MMP16: variants seen among roughly 807,000 people sequenced by gnomAD.
The protein encoded by MMP16 is matrix metallopeptidase 16.
MMP16 carries 12 observed loss-of-function variants against 67.8 expected under a neutral mutation model. The observed-to-expected ratio is 0.18, with a 90% CI of 0.11 to 0.29. The LOEUF is 0.29. Among genes scored for constraint, MMP16 ranks in the 10% least tolerant of loss-of-function variants. MMP16 has a pLI of 1.00. For missense variants in MMP16, 475 were observed against 765.7 expected, an observed-to-expected ratio of 0.62 and a Z score of 4.48; for synonymous variants, 249 against 255.9, an observed-to-expected ratio of 0.97 and a Z score of 0.26.
At position 88,308,694 on chromosome 8, in the gene MMP16, G is replaced by T. The variant is rs886670970; in HGVS notation, c.132+18381C>A. On this transcript the variant is annotated intron_variant, in intron 1 of 9. Coordinates refer to ENST00000286614, the MANE Select transcript of MMP16 (RefSeq NM_005941.5). ...GATTCATGCACATAAAAAGAAAAAAGGTGGTTTCTTTGAAAGTTTTGAAAT... is the reference window on the plus strand; with the variant it reads ...GATTCATGCACATAAAAAGAAAAAATGTGGTTTCTTTGAAAGTTTTGAAAT... Among the ~76,000 whole-genome samples, 3 of 151,936 alleles carry T rather than the reference G, an allele frequency of 2.0e-5. No individual in the cohort carries two copies. In the East Asian group the frequency reaches 5.8e-4, roughly 29 times the overall value.
chr8:88,292,774 G>A (rs1810945954), intron 1 of MMP16, among the ~76,000 whole-genome samples: 1 of 151,982 alleles, frequency 6.6e-6, no homozygotes, highest in African/African-American at 2.4e-5. Context: ...AGAAACACAT[G>A]GCTGAAAGGA....
chr8:88,194,413 G>A (rs993431050), intron 2 of MMP16, among the ~76,000 whole-genome samples: 3 of 151,888 alleles, frequency 2.0e-5, no homozygotes, highest in Non-Finnish European at 4.4e-5. Context: ...TAATTTGACC[G>A]TAATATAACA....
intron 1 of MMP16, among the ~76,000 whole-genome samples, chr8:88,259,859 T>A (rs1279081087): frequency 6.6e-6 from 1 of 152,212 alleles, no homozygotes; most frequent in Non-Finnish European, 1.5e-5. Context: ...TCAATGAGAA[T>A]GGAAAGAATC....
At chr8:88,162,753 T>G (rs778369589) in intron 4 of MMP16, among the ~76,000 whole-genome samples, 22 of 151,982 alleles carry the variant, frequency 1.4e-4, no homozygotes, top group Admixed American at 2.6e-4. Context: ...TTGAAAAGTG[T>G]GTAGCACTTT....
intron 9 of MMP16, among the ~76,000 whole-genome samples, chr8:88,044,343 T>C (rs925787638): frequency 3.3e-5 from 5 of 152,198 alleles, no homozygotes; most frequent in African/African-American, 1.2e-4. Flanking sequence ...TACTAGGAGA[T>C]AGACAGTGTA....
intron 1 of MMP16, among the ~76,000 whole-genome samples, chr8:88,201,144 CAAAAA>C (rs71277984): frequency 0.011 from 1,251 of 109,380 alleles, 24 homozygotes; most frequent in East Asian, 0.05. Flanking sequence ...TTTCCCCCCC[CAAAAA>C]AAAAAAAAAA....
intron 7 of MMP16, chr8:88,069,179 C>A: frequency 7.3e-6 from 2 of 274,364 alleles, no homozygotes; most frequent in South Asian, 6.7e-5. Flanking sequence ...AATACTGAAC[C>A]CTCTGACCCA....
chr8:88,149,587 C>T (rs1011199381), intron 4 of MMP16, among the ~76,000 whole-genome samples: 2 of 152,024 alleles, frequency 1.3e-5, no homozygotes, highest in Admixed American at 6.6e-5. Flanking sequence ...GGAGGCACCC[C>T]CCAGCAGGGG....
At chr8:88,160,095 A>G (rs1411785729) in intron 4 of MMP16, among the ~76,000 whole-genome samples, 1 of 151,746 alleles carries the variant, frequency 6.6e-6, no homozygotes, top group African/African-American at 2.4e-5. Context: ...AGCATTAGGT[A>G]TATCTCCTAA....
chr8:88,282,950 G>T (rs1470869956), intron 1 of MMP16, among the ~76,000 whole-genome samples: 1 of 151,894 alleles, frequency 6.6e-6, no homozygotes, highest in African/African-American at 2.4e-5. Flanking sequence ...AATTTTTGTT[G>T]GTAATACTCT....
At chr8:88,229,795 T>A (rs1187512859) in intron 1 of MMP16, among the ~76,000 whole-genome samples, 1 of 152,046 alleles carries the variant, frequency 6.6e-6, no homozygotes, top group Non-Finnish European at 1.5e-5. Context: ...AGATGAAAAT[T>A]CTATGGATGT....
chr8:88,222,426 C>G (rs555371027), intron 1 of MMP16, among the ~76,000 whole-genome samples: 1 of 152,074 alleles, frequency 6.6e-6, no homozygotes, highest in South Asian at 2.1e-4. Context: ...GGAGGCATCA[C>G]GCTACCTGAC....
intron 1 of MMP16, among the ~76,000 whole-genome samples, chr8:88,292,205 A>C (rs1467983521): frequency 6.6e-6 from 1 of 152,248 alleles, no homozygotes; most frequent in Non-Finnish European, 1.5e-5. Context: ...TTTTAAAATT[A>C]GAAGTTAGCA....
chr8:88,154,530 T>C (rs1808472530), intron 4 of MMP16, among the ~76,000 whole-genome samples: 2 of 151,480 alleles, frequency 1.3e-5, no homozygotes, highest in South Asian at 2.1e-4. Context: ...TGGAATACTA[T>C]GCAGCCATAA....
intron 6 of MMP16, among the ~76,000 whole-genome samples, chr8:88,113,187 A>C (rs78027751): frequency 1.3e-5 from 2 of 151,970 alleles, no homozygotes; most frequent in Admixed American, 6.6e-5. Flanking sequence ...CATTTCAATA[A>C]GAAATAATTA....
At chr8:88,159,634 G>A (rs1379935504) in intron 4 of MMP16, among the ~76,000 whole-genome samples, 1 of 152,012 alleles carries the variant, frequency 6.6e-6, no homozygotes, top group Non-Finnish European at 1.5e-5. Context: ...TCTTTCTCCT[G>A]CCTGATTGCC....
intron 6 of MMP16, among the ~76,000 whole-genome samples, chr8:88,098,279 TG>T (rs1480281817): frequency 6.6e-6 from 1 of 152,048 alleles, no homozygotes; most frequent in East Asian, 1.9e-4. Context: ...CTGCCAACTA[TG>T]GGTGCTCATC....
intron 3 of MMP16, among the ~76,000 whole-genome samples, chr8:88,181,693 G>C (rs771145446): frequency 1.3e-5 from 2 of 151,812 alleles, no homozygotes; most frequent in Non-Finnish European, 2.9e-5. Context: ...TGAAAGGCAA[G>C]AGACTCCAAA....
chr8:88,308,795 A>G (rs1049845894), intron 1 of MMP16, among the ~76,000 whole-genome samples: 5 of 152,090 alleles, frequency 3.3e-5, no homozygotes, highest in African/African-American at 1.2e-4. Context: ...TAACAAAATC[A>G]AAACATCAAC....
Sources: allele counts gnomAD v4.1 joint callset (sites outside exome capture counted in the v4.1 genomes callset), GRCh38; gene constraint gnomAD v4.1.1; transcripts MANE v1.5; gene names NCBI Gene and HGNC (gene_info 2026-07-23, HGNC 2026-07-21).